FREM2: variants seen among roughly 807,000 people sequenced by gnomAD.
The protein encoded by FREM2 is FRAS1-related extracellular matrix protein 2.
In FREM2, 119 loss-of-function variants were observed where a neutral mutation model predicts 219.9. The ratio of observed to expected loss-of-function variants is 0.54; its 90% CI spans 0.47 to 0.63. The LOEUF is 0.63. Ranked by LOEUF, FREM2 falls within the 30% of genes least tolerant of loss-of-function variation. The pLI is 0.00. For synonymous variants in FREM2, 1,562 were observed against 1,522.8 expected (o/e 1.03, Z -0.60); for missense variants, 4,030 against 3,993.6 (o/e 1.01, Z -0.25).
At chr13:38,862,050 T>A (rs1026204755) in intron 15 of FREM2, among the ~76,000 whole-genome samples, 2 of 152,236 alleles carry the variant, frequency 1.3e-5, no homozygotes, top group African/African-American at 4.8e-5. Flanking sequence ...TCTGGCTAGG[T>A]AGCCATGACC....
At chr13:38,832,065 A>G (rs537066867) in intron 6 of FREM2, among the ~76,000 whole-genome samples, 58 of 152,196 alleles carry the variant, frequency 3.8e-4, no homozygotes, top group African/African-American at 1.3e-3. Context: ...CTGTAATCCT[A>G]CCTGTCTTGG....
Position 38,688,020 on chromosome 13 carries a change from G to C in FREM2, c.676G>C (p.Ala226Pro). The C allele has an allele frequency of 1.2e-6, 2 of 1,611,424 alleles. No homozygotes were observed. Among genetic ancestry groups the C allele is most frequent in the Non-Finnish European group, 8.5e-7 (1 of 1,178,256 alleles). Reference sequence around the variant, plus strand: ...CGTGGGCATCCTGTCCGGCTTGGGCGCGCTGCCTCGCTATGGAGAACTCCT... The same window carrying C: ...CGTGGGCATCCTGTCCGGCTTGGGCCCGCTGCCTCGCTATGGAGAACTCCT... ...CRVGILSGLG[A>P]LPRYGELLHY... Residue 226 changes from alanine to proline, a missense_variant, in exon 1 of 24, where the codon GCG (alanine) becomes CCG (proline). Physicochemically the swap from Ala to Pro is conservative, Grantham distance 27. Coordinates refer to ENST00000280481, the MANE Select transcript of FREM2 (RefSeq NM_207361.6).
At chr13:38,753,583 T>C (rs1872864486) in intron 2 of FREM2, among the ~76,000 whole-genome samples, 1 of 152,248 alleles carries the variant, frequency 6.6e-6, no homozygotes, top group African/African-American at 2.4e-5. Flanking sequence ...ACTTGCATTT[T>C]CAGGAACAAA....
At chr13:38,749,504 A>G (rs1872635028) in intron 2 of FREM2, among the ~76,000 whole-genome samples, 1 of 152,198 alleles carries the variant, frequency 6.6e-6, no homozygotes, top group African/African-American at 2.4e-5. Flanking sequence ...ATATATCACA[A>G]TATAACAAGT....
In FREM2 at chr13:38,694,198, G is replaced by A. The variant is rs555787746; in HGVS notation, c.5173+1681G>A. Among the ~76,000 whole-genome samples the A allele has an allele frequency of 3.3e-5, 5 of 152,204 alleles. No individual in the cohort carries two copies. In the South Asian group the frequency reaches 1.0e-3, roughly 32 times the overall value. ...CTAAAAATTATGCTATTTCATTATA[G>A]GCAGTTGTTCTTTCTCTTACTGACT... is the stretch of plus-strand genomic sequence containing the variant. On this transcript the variant is annotated intron_variant, in intron 1 of 23. Transcript: ENST00000280481.
At chr13:38,743,286 T>C (rs1872323033) in intron 2 of FREM2, among the ~76,000 whole-genome samples, 2 of 151,678 alleles carry the variant, frequency 1.3e-5, no homozygotes, top group South Asian at 4.1e-4. Context: ...TATTTTAAAA[T>C]ATATATAGCT....
At chr13:38,774,331 A>T (rs1165567264) in intron 4 of FREM2, among the ~76,000 whole-genome samples, 4 of 152,214 alleles carry the variant, frequency 2.6e-5, no homozygotes, top group Non-Finnish European at 5.9e-5. Context: ...ACAAATGCTT[A>T]TTAAACATCT....
chr13:38,690,282 A>G lies in FREM2; in HGVS notation c.2938A>G (p.Met980Val), dbSNP rs1400051590. The G allele has an allele frequency of 6.2e-7, 1 of 1,614,132 alleles. No homozygotes were observed. The highest frequency in any genetic ancestry group is 1.7e-5 in the Admixed American group (1 of 60,032). The change falls in exon 1 of 24, where the codon ATG (methionine) becomes GTG (valine). Residue 980 changes from methionine to valine, a missense_variant. By Grantham distance (21) the Met-to-Val change is conservative. Around this residue, in one of 2 missense-constraint regions of FREM2, gnomAD observed 3,102 missense variants for 2,950.7 expected, o/e 1.05. Transcript: ENST00000280481. Reference protein sequence around the residue: ...KGTNEETDDLMLTFLLEDPPL... With the variant: ...KGTNEETDDLVLTFLLEDPPL... Reference sequence around the variant, plus strand: ...GACCAATGAGGAAACTGATGACTTGATGTTGACTTTCCTCTTGGAAGATCC... The same window carrying G: ...GACCAATGAGGAAACTGATGACTTGGTGTTGACTTTCCTCTTGGAAGATCC...
chr13:38,817,585 A>G (rs4381466), intron 6 of FREM2, among the ~76,000 whole-genome samples: 60,402 of 152,012 alleles, frequency 0.4, 13,852 homozygotes, highest in Non-Finnish European at 0.51. Flanking sequence ...TAAGGATCTT[A>G]GTGTAAAATC....
chr13:38,826,984 A>C (rs978296053), intron 6 of FREM2, among the ~76,000 whole-genome samples: 2 of 152,134 alleles, frequency 1.3e-5, no homozygotes, highest in African/African-American at 4.8e-5. Context: ...CTTACGTAGA[A>C]TATCATGTTC....
At chr13:38,706,823 T>A (rs1447977079) in intron 2 of FREM2, among the ~76,000 whole-genome samples, 1 of 152,116 alleles carries the variant, frequency 6.6e-6, no homozygotes, top group Non-Finnish European at 1.5e-5. Context: ...AATATCCCAA[T>A]GAGTTCAAAA....
At position 38,848,550 on chromosome 13, in the gene FREM2, C is replaced by T; in HGVS notation, c.6259C>T (p.Leu2087Phe). 1.2e-6 allele frequency: 2 copies of T among 1,614,022 alleles called. No homozygotes were observed. Among genetic ancestry groups the T allele is most frequent in the South Asian group, 1.1e-5 (1 of 91,076 alleles). The stretch of plus-strand genomic sequence containing the variant: ...TGTTCGTGTTGTCATTCTGGATGAC[C>T]TTGGACAACCAGCGCTGGAGGGAAT... Reference protein sequence around the residue: ...QPVRVVILDDLGQPALEGIEK... With the variant: ...QPVRVVILDDFGQPALEGIEK... Residue 2087 changes from leucine to phenylalanine, a missense_variant, in exon 8 of 24, where the codon CTT becomes TTT. Leu to Phe is a conservative substitution (Grantham distance 22, BLOSUM62 0). Transcript: ENST00000280481.
intron 2 of FREM2, among the ~76,000 whole-genome samples, chr13:38,759,727 TTTTG>T (rs1372650758): frequency 6.6e-6 from 1 of 152,220 alleles, no homozygotes; most frequent in African/African-American, 2.4e-5. Flanking sequence ...AGGCAACAAA[TTTTG>T]TTTAAGTAAA....
rs1874422067 is a variant in FREM2, at chr13:38,788,467, T to G, written c.6019+3659T>G. Among the ~76,000 whole-genome samples the G allele has an allele frequency of 2.0e-5, 3 of 152,250 alleles. No homozygotes were observed. The South Asian group carries it at 6.2e-4, about 32-fold the overall frequency. On this transcript the variant is annotated intron_variant, in intron 6 of 23. Coordinates refer to ENST00000280481, the MANE Select transcript of FREM2 (RefSeq NM_207361.6). Reference sequence around the variant, plus strand: ...TTCAGAGACCACCTTACTGACTAAATGATGATTTATAGCACTTCAGTGAAA... The same window carrying G: ...TTCAGAGACCACCTTACTGACTAAAGGATGATTTATAGCACTTCAGTGAAA...
intron 9 of FREM2, 45 bp downstream of exon 9, chr13:38,850,280 A>T (rs1877323624): frequency 6.8e-7 from 1 of 1,480,808 alleles, no homozygotes; most frequent in Admixed American, 1.7e-5. Context: ...GAAGAAGCCG[A>T]ATTTTTACTC....
chr13:38,758,513 A>G (rs1873102771), intron 2 of FREM2, among the ~76,000 whole-genome samples: 1 of 152,152 alleles, frequency 6.6e-6, no homozygotes, highest in African/African-American at 2.4e-5. Flanking sequence ...CACATTATCT[A>G]GGTGCCTGTG....
At chr13:38,769,829 GT>G (rs748166193) in intron 4 of FREM2, 21 bp downstream of exon 4, 12 of 1,571,074 alleles carry the variant, frequency 7.6e-6, no homozygotes, top group Non-Finnish European at 1.1e-5. Flanking sequence ...TCGTCAACTG[GT>G]TTATGTTGTT....
At chr13:38,878,723 A>G in intron 22 of FREM2, 108 bp from the exon 23 acceptor site, 1 of 1,136,768 alleles carries the variant, frequency 8.8e-7, no homozygotes, top group Non-Finnish European at 1.3e-6. Context: ...CCAAATGGTG[A>G]CATTTTATAG....
intron 13 of FREM2, among the ~76,000 whole-genome samples, 189 bp downstream of exon 13, chr13:38,858,222 G>T (rs1356805843): frequency 6.6e-6 from 1 of 152,068 alleles, no homozygotes; most frequent in Admixed American, 6.6e-5. Context: ...ACCGAACAAA[G>T]GTTCATTAAC....
Sources: allele counts gnomAD v4.1 joint callset (sites outside exome capture counted in the v4.1 genomes callset), GRCh38; gene constraint gnomAD v4.1.1; regional missense constraint gnomAD v4.1.1; transcripts MANE v1.5; gene names NCBI Gene and HGNC (gene_info 2026-07-23, HGNC 2026-07-21).